The following BOLL variants were observed in gnomAD, a reference collection of about 807,000 sequenced individuals.
The protein encoded by BOLL is boule RNA binding protein.
In BOLL, 23 loss-of-function variants were observed where a neutral mutation model predicts 44.4. The observed-to-expected ratio is 0.52, with a 90% confidence interval of 0.37 to 0.73. The LOEUF is 0.73. Ranked by LOEUF, BOLL falls within the 30% of genes least tolerant of loss-of-function variation. The pLI is 0.00. For synonymous variants in BOLL, 97 were observed against 110.8 expected, an observed-to-expected ratio of 0.88 and a Z score of 0.78; for missense variants, 287 against 338.3, an observed-to-expected ratio of 0.85 and a Z score of 1.19.
intron 10 of BOLL, among the ~76,000 whole-genome samples, chr2:197,742,428 C>T (rs369655286): frequency 8.6e-5 from 13 of 152,012 alleles, no homozygotes; most frequent in South Asian, 2.1e-4. Context: ...TGTCCAACAA[C>T]GATAGACTGG....
chr2:197,751,996 A>G (rs1411091874), intron 9 of BOLL, among the ~76,000 whole-genome samples: 1 of 152,224 alleles, frequency 6.6e-6, no homozygotes, highest in Non-Finnish European at 1.5e-5. Flanking sequence ...CTGGTTCAAC[A>G]TATGCAAATC....
At chr2:197,740,638 A>C (rs1687686341) in intron 10 of BOLL, among the ~76,000 whole-genome samples, 2 of 152,188 alleles carry the variant, frequency 1.3e-5, no homozygotes, top group Non-Finnish European at 2.9e-5. Context: ...ATCAACATAG[A>C]TAATAAAAAT....
At chr2:197,748,256 G>A (rs945836977) in intron 9 of BOLL, among the ~76,000 whole-genome samples, 3 of 152,148 alleles carry the variant, frequency 2.0e-5, no homozygotes, top group Admixed American at 6.5e-5. Context: ...AGATCCCCTC[G>A]GGTGCCTACA....
chr2:197,750,996 C>T (rs902046438), intron 9 of BOLL, among the ~76,000 whole-genome samples: 1 of 152,164 alleles, frequency 6.6e-6, no homozygotes, highest in Non-Finnish European at 1.5e-5. Flanking sequence ...AAGAAACTCA[C>T]TCAAAACCAC....
chr2:197,736,944 G>A (rs1559391675), intron 10 of BOLL, among the ~76,000 whole-genome samples: 1 of 151,922 alleles, frequency 6.6e-6, no homozygotes. Flanking sequence ...CATTCTGGAA[G>A]AATTAAAAAT....
chr2:197,760,243 A>G lies in BOLL; in HGVS notation c.553-2843T>C, dbSNP rs182712192. ...GACTTGAGAAATAGCTCCGTGGGCC[A>G]CCCCCAGCAGACATGCCCCTAGGCC... On this transcript the variant is annotated intron_variant, in intron 7 of 10. Transcript: ENST00000392296. 3.3e-3 allele frequency among the ~76,000 whole-genome samples: 504 copies of G among 152,064 alleles called. 2 individuals are homozygous for G. The highest frequency in any genetic ancestry group is 5.0e-3 in the Non-Finnish European group (342 of 67,958).
chr2:197,753,380 C>A (rs969451310), intron 9 of BOLL, among the ~76,000 whole-genome samples: 1 of 151,994 alleles, frequency 6.6e-6, no homozygotes, highest in Admixed American at 6.6e-5. Flanking sequence ...AAATTTTTGC[C>A]ATCTATCCAT....
At chr2:197,732,900 C>G (rs1432657108) in intron 10 of BOLL, among the ~76,000 whole-genome samples, 1 of 146,454 alleles carries the variant, frequency 6.8e-6, no homozygotes. Flanking sequence ...AAAACTGGCA[C>G]AAGACGGGGA....
At chr2:197,772,011 G>T in intron 5 of BOLL, 29 bp from the exon 6 acceptor site, 2 of 1,498,570 alleles carry the variant, frequency 1.3e-6, no homozygotes, top group South Asian at 1.3e-5. Context: ...AATAATAATT[G>T]AAATGTTCAA....
Position 197,781,839 on chromosome 2 carries a change from A to G in BOLL, c.12T>C (p.Asp4=), listed in dbSNP as rs1237476750. 6.2e-7 allele frequency: 1 copy of G among 1,602,250 alleles called. No homozygotes were observed. Among genetic ancestry groups the G allele is most frequent in the Non-Finnish European group, 8.5e-7 (1 of 1,172,046 alleles). ...CAGGATTAGGGGATGGAGATAATGA[A>G]TCTGTTTGCATCTGGTTTGATGTTT... MQT[D]SLSPSPNPVS... The change falls in exon 2 of 11, where the codon GAT becomes GAC. Residue 4 remains aspartate, a synonymous_variant. Coordinates refer to ENST00000392296, the MANE Select transcript of BOLL (RefSeq NM_033030.6).
At chr2:197,775,163 T>TA (rs2106382625) in intron 5 of BOLL, among the ~76,000 whole-genome samples, 1 of 151,958 alleles carries the variant, frequency 6.6e-6, no homozygotes, top group South Asian at 2.1e-4. Flanking sequence ...GGAAGGTAGA[T>TA]ACATAATTTA....
chr2:197,760,365 C>A (rs912607352), intron 7 of BOLL, among the ~76,000 whole-genome samples: 4 of 152,198 alleles, frequency 2.6e-5, no homozygotes, highest in Non-Finnish European at 5.9e-5. Flanking sequence ...GTATTCCAGG[C>A]CTGAGAAACA....
At chr2:197,748,280 G>C (rs1349194479) in intron 9 of BOLL, among the ~76,000 whole-genome samples, 1 of 152,202 alleles carries the variant, frequency 6.6e-6, no homozygotes, top group African/African-American at 2.4e-5. Context: ...CCAGGGCCCT[G>C]GATTTCAAGC....
intron 10 of BOLL, among the ~76,000 whole-genome samples, chr2:197,739,460 G>A (rs924240465): frequency 2.0e-5 from 3 of 150,972 alleles, no homozygotes; most frequent in African/African-American, 7.3e-5. Context: ...AGAGGCTGAG[G>A]AGTTAGCACT....
At position 197,728,338 on chromosome 2, in the gene BOLL, G is replaced by A. The variant is rs1480009307; in HGVS notation, c.*217C>T. ...AGGTTAGCACATAAAAAACCAACAT[G>A]CCACATCTACCTAAATAATTTTGTA... On this transcript the variant is annotated 3_prime_UTR_variant, in exon 11 of 11. Coordinates refer to ENST00000392296, the MANE Select transcript of BOLL (RefSeq NM_033030.6). The A allele has an allele frequency of 7.6e-6, 5 of 653,882 alleles. 1 individual carries two copies. In the East Asian group the frequency reaches 1.4e-4, roughly 18 times the overall value. The allele number at this position is 653,882 out of a possible 1,614,324, so 40.5% of individuals were successfully genotyped here.
intron 10 of BOLL, 24 bp from the exon 11 acceptor site, chr2:197,728,602 G>T: frequency 6.6e-7 from 1 of 1,508,720 alleles, no homozygotes; most frequent in Non-Finnish European, 9.2e-7. Flanking sequence ...AGAAAATATA[G>T]ATCAGGAAGA....
intron 10 of BOLL, among the ~76,000 whole-genome samples, chr2:197,734,867 A>G (rs1275308284): frequency 2.0e-5 from 3 of 152,262 alleles, no homozygotes; most frequent in South Asian, 4.1e-4. Flanking sequence ...TGACGAGTTA[A>G]TGGGTGCAGC....
chr2:197,754,274 G>A (rs1420386206), intron 9 of BOLL, among the ~76,000 whole-genome samples: 1 of 151,982 alleles, frequency 6.6e-6, no homozygotes, highest in Non-Finnish European at 1.5e-5. Context: ...ATCCCAGAAT[G>A]TAAAGTATAA....
chr2:197,734,384 C>A (rs1479601845), intron 10 of BOLL, among the ~76,000 whole-genome samples: 1 of 152,112 alleles, frequency 6.6e-6, no homozygotes, highest in East Asian at 1.9e-4. Flanking sequence ...ACCAGTTCAA[C>A]CATTGTGGAA....
Sources: allele counts gnomAD v4.1 joint callset (sites outside exome capture counted in the v4.1 genomes callset), GRCh38; gene constraint gnomAD v4.1.1; transcripts MANE v1.5; gene names NCBI Gene and HGNC (gene_info 2026-07-23, HGNC 2026-07-21).